PALS2: variants seen among roughly 807,000 people sequenced by gnomAD.
The protein encoded by PALS2 is protein associated with LIN7 2, MAGUK p55 family member, also known as protein PALS2.
PALS2 carries 27 observed loss-of-function variants against 61.6 expected under a neutral mutation model. The ratio of observed to expected loss-of-function variants is 0.44; its 90% CI spans 0.32 to 0.60. The LOEUF (loss-of-function observed/expected upper bound fraction) is 0.60. Among genes scored for constraint, PALS2 ranks in the 20% least tolerant of loss-of-function variants. PALS2 has a pLI of 0.05. For missense variants in PALS2, 554 were observed against 639.4 expected, an observed-to-expected ratio of 0.87 and a Z score of 1.44; for synonymous variants, 236 against 218.6, an observed-to-expected ratio of 1.08 and a Z score of -0.70.
At chr7:24,622,885 A>G (rs1162770942) in intron 1 of PALS2, among the ~76,000 whole-genome samples, 2 of 151,764 alleles carry the variant, frequency 1.3e-5, no homozygotes, top group African/African-American at 4.8e-5. Context: ...GAATGTTTTT[A>G]TTATGAAAGA....
intron 11 of PALS2, among the ~76,000 whole-genome samples, chr7:24,681,320 TTTC>T (rs1787917090): frequency 6.6e-6 from 1 of 152,130 alleles, no homozygotes; most frequent in Non-Finnish European, 1.5e-5. Flanking sequence ...ATCGTGGCAA[TTTC>T]TTGTTTTAAT....
intron 2 of PALS2, among the ~76,000 whole-genome samples, chr7:24,630,969 A>G (rs1784975159): frequency 6.6e-6 from 1 of 152,196 alleles, no homozygotes; most frequent in African/African-American, 2.4e-5. Flanking sequence ...AAAGAGAGGA[A>G]TGTTGTTTTC....
intron 9 of PALS2, among the ~76,000 whole-genome samples, 199 bp from the exon 10 acceptor site, chr7:24,678,932 A>C (rs114559771): frequency 0.016 from 2,453 of 152,280 alleles, 78 homozygotes; most frequent in African/African-American, 0.057. Context: ...GAAAGAAACC[A>C]TGTATGATAC....
At chr7:24,628,086 A>G (rs1050797398) in intron 2 of PALS2, among the ~76,000 whole-genome samples, 6 of 152,216 alleles carry the variant, frequency 3.9e-5, no homozygotes. Flanking sequence ...TCAGGCCAAT[A>G]TCCCTGATGA....
intron 9 of PALS2, among the ~76,000 whole-genome samples, chr7:24,672,348 C>T (rs1787341168): frequency 6.6e-6 from 1 of 151,870 alleles, no homozygotes; most frequent in Admixed American, 6.6e-5. Context: ...CTGCCTCAGC[C>T]TCCCCAGTAG....
At chr7:24,581,314 C>T (rs1371904917) in intron 1 of PALS2, among the ~76,000 whole-genome samples, 1 of 151,208 alleles carries the variant, frequency 6.6e-6, no homozygotes, top group African/African-American at 2.4e-5. Context: ...AAATCTCCCT[C>T]TGTGAAGGAC....
At chr7:24,678,806 C>G (rs756041720) in intron 9 of PALS2, among the ~76,000 whole-genome samples, 1 of 152,088 alleles carries the variant, frequency 6.6e-6, no homozygotes, top group East Asian at 1.9e-4. Flanking sequence ...GGGGGACTAC[C>G]TCTTAAAATA....
chr7:24,580,275 A>C (rs1277095805), intron 1 of PALS2, among the ~76,000 whole-genome samples: 1 of 152,220 alleles, frequency 6.6e-6, no homozygotes, highest in Admixed American at 6.5e-5. Flanking sequence ...CTTTGGAGCT[A>C]TCCTACGCTA....
intron 1 of PALS2, among the ~76,000 whole-genome samples, chr7:24,585,989 C>G (rs1562598811): frequency 1.3e-5 from 2 of 152,140 alleles, no homozygotes; most frequent in Admixed American, 1.3e-4. Flanking sequence ...AAAAGAGCAA[C>G]TTAGAATTTG....
At chr7:24,637,209 G>A (rs1562630955) in intron 2 of PALS2, among the ~76,000 whole-genome samples, 3 of 151,096 alleles carry the variant, frequency 2.0e-5, no homozygotes, top group South Asian at 2.1e-4. Flanking sequence ...TCTAATCTCG[G>A]AATTTGTATT....
rs762153852 is a variant in PALS2, at chr7:24,666,108, T to C, written c.952+19T>C. 38 of 1,588,288 alleles carry C rather than the reference T, an allele frequency of 2.4e-5. 1 individual carries two copies. In the South Asian group the frequency reaches 3.7e-4, roughly 15 times the overall value. ...AATGCAGGTAGGTTTTAAATACTTT[T>C]TGAGAAGTCCAAGTGAAGTAGCTAT... On this transcript the variant is annotated intron_variant, in intron 8 of 11. Transcript: ENST00000222644.
chr7:24,624,167 G>C, intron 2 of PALS2: 1 of 1,256,804 alleles, frequency 8.0e-7, no homozygotes, highest in Non-Finnish European at 1.0e-6. Context: ...GTAAGTTCTT[G>C]ACTTCCTTTA....
At chr7:24,656,704 C>CT (rs565863007) in intron 5 of PALS2, among the ~76,000 whole-genome samples, 1,701 of 150,856 alleles carry the variant, frequency 0.011, 22 homozygotes, top group Non-Finnish European at 0.016. Flanking sequence ...TGTATTTTTT[C>CT]TTTTTTTTTG....
At chr7:24,591,761 A>G (rs917803095) in intron 1 of PALS2, among the ~76,000 whole-genome samples, 2 of 151,996 alleles carry the variant, frequency 1.3e-5, no homozygotes, top group South Asian at 2.1e-4. Flanking sequence ...AGCCTTTTTT[A>G]TCTGTATTTC....
chr7:24,634,140 T>C (rs1785132696), intron 2 of PALS2, among the ~76,000 whole-genome samples: 2 of 152,254 alleles, frequency 1.3e-5, no homozygotes, highest in South Asian at 2.1e-4. Flanking sequence ...TTATGAGATA[T>C]ATCATTTGCA....
At chr7:24,576,783 C>T (rs1236086224) in intron 1 of PALS2, among the ~76,000 whole-genome samples, 2 of 152,118 alleles carry the variant, frequency 1.3e-5, no homozygotes, top group African/African-American at 2.4e-5. Flanking sequence ...AATTGGTCTC[C>T]TCTTATAAAA....
At chr7:24,660,307 A>G (rs1467487496) in intron 5 of PALS2, among the ~76,000 whole-genome samples, 2 of 152,092 alleles carry the variant, frequency 1.3e-5, no homozygotes, top group Non-Finnish European at 2.9e-5. Flanking sequence ...AATCCTTCCC[A>G]CTACCAACCT....
At chr7:24,627,940 C>T (rs1784821968) in intron 2 of PALS2, among the ~76,000 whole-genome samples, 2 of 152,174 alleles carry the variant, frequency 1.3e-5, no homozygotes, top group Non-Finnish European at 2.9e-5. Flanking sequence ...ACCAGAGATA[C>T]AAACAGGAGC....
chr7:24,621,594 A>G (rs1784522368), intron 1 of PALS2, among the ~76,000 whole-genome samples: 1 of 152,072 alleles, frequency 6.6e-6, no homozygotes, highest in African/African-American at 2.4e-5. Flanking sequence ...ATCCAGAAAG[A>G]AGAGAAACTA....
Sources: gnomAD v4.1 joint callset for allele counts (sites outside exome capture counted in the v4.1 genomes callset) on GRCh38, gnomAD v4.1.1 for gene constraint, MANE v1.5 for transcripts, NCBI Gene and HGNC (gene_info 2026-07-23, HGNC 2026-07-21) for gene names.